WDR43: variants seen among roughly 807,000 people sequenced by gnomAD.
WDR43 encodes WD repeat-containing protein 43.
WDR43 carries 13 observed loss-of-function variants against 91.4 expected under a neutral mutation model. The observed-to-expected ratio is 0.14, with a 90% CI of 0.09 to 0.23. The LOEUF (loss-of-function observed/expected upper bound fraction) is 0.23. Among genes scored for constraint, WDR43 ranks in the 10% least tolerant of loss-of-function variants. The pLI is 1.00. For missense variants in WDR43, 780 were observed against 809.4 expected, an observed-to-expected ratio of 0.96 and a Z score of 0.44; for synonymous variants, 331 against 287.9, an observed-to-expected ratio of 1.15 and a Z score of -1.51.
intron 2 of WDR43, among the ~76,000 whole-genome samples, chr2:28,903,458 A>G (rs1274794092): frequency 6.6e-6 from 1 of 152,226 alleles, no homozygotes; most frequent in African/African-American, 2.4e-5. Flanking sequence ...ATAGCCCAAC[A>G]AAACAGCAAC....
chr2:28,943,343 A>G (rs1305631627), intron 16 of WDR43, among the ~76,000 whole-genome samples: 1 of 152,134 alleles, frequency 6.6e-6, no homozygotes, highest in Non-Finnish European at 1.5e-5. Context: ...TTGTTGCCCA[A>G]GCTGATCTTG....
At position 28,896,094 on chromosome 2, in the gene WDR43, TA is replaced by T. The variant is rs951604223; in HGVS notation, c.225+1181del. On this transcript the variant is annotated intron_variant, in intron 1 of 17. Transcript: ENST00000407426. Reference sequence around the variant, plus strand: ...AGGGCTTATAAGTCAAACATAAAACTAAAAAAAAAATCAGTTTTTATTGTTA... The same window carrying T: ...AGGGCTTATAAGTCAAACATAAAACTAAAAAAAAATCAGTTTTTATTGTTA... Among the ~76,000 whole-genome samples the T allele has an allele frequency of 7.6e-3, 1,136 of 150,266 alleles. 16 individuals carry two copies. Among genetic ancestry groups the T allele is most frequent in the African/African-American group, 0.026 (1,054 of 41,064 alleles).
At chr2:28,899,736 T>G (rs1046532141) in intron 1 of WDR43, among the ~76,000 whole-genome samples, 1 of 152,148 alleles carries the variant, frequency 6.6e-6, no homozygotes, top group African/African-American at 2.4e-5. Context: ...GGAGTATCAG[T>G]TTTCATTAAA....
intron 10 of WDR43, among the ~76,000 whole-genome samples, chr2:28,929,359 G>A (rs993798608): frequency 3.9e-5 from 6 of 152,014 alleles, no homozygotes; most frequent in Non-Finnish European, 5.9e-5. Context: ...TTCTTGGGCC[G>A]TTGTTTTTTT....
intron 1 of WDR43, chr2:28,895,166 C>T (rs936055688): frequency 8.5e-6 from 3 of 354,086 alleles, no homozygotes; most frequent in Non-Finnish European, 1.5e-5. Flanking sequence ...GCCGGCTGGC[C>T]CAATGAGGCC....
At chr2:28,900,551 A>G (rs1245705295) in intron 1 of WDR43, among the ~76,000 whole-genome samples, 1 of 152,146 alleles carries the variant, frequency 6.6e-6, no homozygotes, top group Non-Finnish European at 1.5e-5. Context: ...TACTTCCCCC[A>G]ACTCTCCTTG....
intron 16 of WDR43, 87 bp downstream of exon 16, chr2:28,942,468 A>G (rs1017793741): frequency 1.6e-5 from 22 of 1,390,920 alleles, no homozygotes; most frequent in African/African-American, 1.1e-4. Flanking sequence ...GAAAACGTCA[A>G]CATAAGATCT....
In WDR43 at chr2:28,931,529, C is replaced by T. The variant is rs533095448; in HGVS notation, c.1437+1819C>T. 3.3e-5 allele frequency among the ~76,000 whole-genome samples: 5 copies of T among 152,310 alleles called. No individual in the cohort carries two copies. The South Asian group carries it at 1.0e-3, about 32-fold the overall frequency. On this transcript the variant is annotated intron_variant, in intron 11 of 17. Transcript: ENST00000407426. Reference sequence around the variant, plus strand: ...ATGTTCAAGATTTTGCATACTGCATCACTGTGGTATCATTTAACACATTGC... The same window carrying T: ...ATGTTCAAGATTTTGCATACTGCATTACTGTGGTATCATTTAACACATTGC...
Position 28,946,769 on chromosome 2 carries a change from A to G in WDR43, c.2024A>G (p.Glu675Gly), listed in dbSNP as rs1279875040. ...GATTTAGATCCTGAAAATGAAAGTG[A>G]AGAAGAATGAAGACAGCAAAGCAAG... ...DSDLDPENES[E>G]EE is the part of the protein sequence containing the mutation. Residue 675 changes from glutamate (E) to glycine (G), a missense_variant, in exon 18 of 18, where the codon GAA (glutamate) becomes GGA (glycine). This residue lies in a region of WDR43 where 426 missense variants were observed against 467.8 expected (regional missense o/e 0.91). Coordinates refer to ENST00000407426, the MANE Select transcript of WDR43 (RefSeq NM_015131.3). The G allele has an allele frequency of 1.3e-6, 2 of 1,577,078 alleles. No homozygotes were observed. Among genetic ancestry groups the G allele is most frequent in the South Asian group, 2.3e-5 (2 of 85,654 alleles).
intron 16 of WDR43, among the ~76,000 whole-genome samples, chr2:28,943,766 A>G (rs1671490692): frequency 6.6e-6 from 1 of 152,204 alleles, no homozygotes; most frequent in Non-Finnish European, 1.5e-5. Context: ...AAAAAATTTT[A>G]CCATTATCAC....
rs868188440 is a variant in WDR43, at chr2:28,936,947, C to A, written c.1550C>A (p.Pro517His). The A allele has an allele frequency of 6.4e-7, 1 of 1,573,004 alleles. No homozygotes were observed. The highest frequency in any genetic ancestry group is 8.6e-7 in the Non-Finnish European group (1 of 1,158,084). Residue 517 changes from proline to histidine, a missense_variant, in exon 13 of 18, where the codon CCT becomes CAT. Around this residue, in one of 4 missense-constraint regions of WDR43, gnomAD observed 426 missense variants for 467.8 expected, o/e 0.91. Coordinates refer to ENST00000407426, the MANE Select transcript of WDR43 (RefSeq NM_015131.3). ...QELTKRLQGH[P>H]NSAVLMVQWL... The stretch of plus-strand genomic sequence containing the variant: ...CTTACAAAGAGGTTACAAGGACATC[C>A]TAATAGGTAAGATTAAACAGGTGAC...
intron 1 of WDR43, chr2:28,895,311 C>T (rs957478116): frequency 7.8e-5 from 14 of 179,348 alleles, no homozygotes; most frequent in South Asian, 1.9e-4. Context: ...TCTAACTTTC[C>T]TCTGTCTGTG....
chr2:28,906,569 G>A lies in WDR43; in HGVS notation c.473G>A (p.Cys158Tyr). The change falls in exon 3 of 18, where the codon TGC becomes TAC. Residue 158 changes from cysteine to tyrosine, a missense_variant. By Grantham distance (194) the Cys-to-Tyr change is radical (BLOSUM62 -2). Coordinates refer to ENST00000407426, the MANE Select transcript of WDR43 (RefSeq NM_015131.3). ...ATTGTGGAATGGAACGTACAGACAT[G>A]CAAAGTAAAGTGGTGAGTAACATTC... ...KHIVEWNVQT[C>Y]KVKCKWKGDN... 1 of 1,611,596 alleles carries A rather than the reference G, an allele frequency of 6.2e-7. No homozygotes were observed. The highest frequency in any genetic ancestry group is 8.5e-7 in the Non-Finnish European group (1 of 1,179,094).
At chr2:28,942,480 C>T (rs1671458159) in intron 16 of WDR43, 99 bp downstream of exon 16, 1 of 1,304,762 alleles carries the variant, frequency 7.7e-7, no homozygotes, top group Non-Finnish European at 1.1e-6. Flanking sequence ...ATAAGATCTT[C>T]CTTTGGCAAG....
chr2:28,909,693 T>C (rs1211134117), intron 3 of WDR43, among the ~76,000 whole-genome samples: 1 of 152,024 alleles, frequency 6.6e-6, no homozygotes, highest in African/African-American at 2.4e-5. Flanking sequence ...GGAAACATAG[T>C]GAGAACCCCC....
chr2:28,923,293 A>G (rs1047307496), intron 7 of WDR43, among the ~76,000 whole-genome samples: 12 of 152,112 alleles, frequency 7.9e-5, no homozygotes, highest in African/African-American at 2.7e-4. Flanking sequence ...TGTTTTATTT[A>G]TCTTTGAGCG....
chr2:28,895,029 C>T (rs777449187), intron 1 of WDR43, 106 bp downstream of exon 1: 1 of 1,211,546 alleles, frequency 8.3e-7, no homozygotes, highest in Non-Finnish European at 1.1e-6. Context: ...CTCAGCGGCC[C>T]GGGCCAGAAG....
intron 4 of WDR43, among the ~76,000 whole-genome samples, chr2:28,913,204 T>A (rs1218540293): frequency 1.3e-5 from 2 of 152,182 alleles, no homozygotes; most frequent in East Asian, 3.9e-4. Flanking sequence ...TCTGCCTGCC[T>A]CGGCCTCCCA....
chr2:28,913,219 G>A (rs1670842297), intron 4 of WDR43, among the ~76,000 whole-genome samples: 1 of 152,148 alleles, frequency 6.6e-6, no homozygotes, highest in South Asian at 2.1e-4. Context: ...CTCCCAAAGT[G>A]TTGGGATTAC....
Sources: gnomAD v4.1 joint callset for allele counts (sites outside exome capture counted in the v4.1 genomes callset) on GRCh38, gnomAD v4.1.1 for gene constraint, gnomAD v4.1.1 regional missense constraint, MANE v1.5 for transcripts, NCBI Gene and HGNC (gene_info 2026-07-23, HGNC 2026-07-21) for gene names.